Variants in TAS2R1 observed in about 807,000 individuals in gnomAD.
TAS2R1 encodes the protein taste receptor type 2 member 1.
For synonymous variants in TAS2R1, 141 were observed against 134.2 expected, an observed-to-expected ratio of 1.05 and a Z score of -0.35; for missense variants, 370 against 353.4, an observed-to-expected ratio of 1.05 and a Z score of -0.38.
chr5:9,670,675 G>A (rs1409981767), intron 1 of TAS2R1, among the ~76,000 whole-genome samples: 1 of 152,118 alleles, frequency 6.6e-6, no homozygotes, highest in East Asian at 1.9e-4. Context: ...AAAAAGCTTA[G>A]AACCAGATGG....
At chr5:9,833,364 T>G in the TAS2R1 span, among the ~76,000 whole-genome samples, 1 of 152,252 alleles carries the variant, frequency 6.6e-6, no homozygotes, top group African/African-American at 2.4e-5. Flanking sequence ...TTAGTGATTT[T>G]GGGGTCCCAA....
chr5:9,721,021 A>G, the TAS2R1 span, among the ~76,000 whole-genome samples: 27 of 149,858 alleles, frequency 1.8e-4, no homozygotes, highest in Non-Finnish European at 3.2e-4. Context: ...GCTGCAGGGC[A>G]GTAGCTAAGA....
chr5:9,877,818 TTC>T, the TAS2R1 span, among the ~76,000 whole-genome samples: 2 of 152,250 alleles, frequency 1.3e-5, no homozygotes, highest in South Asian at 4.1e-4. Flanking sequence ...GTAAAAGTTG[TTC>T]TTTCTTCTTC....
the TAS2R1 span, among the ~76,000 whole-genome samples, chr5:9,822,410 C>T: frequency 2.8e-5 from 4 of 144,840 alleles, no homozygotes; most frequent in Non-Finnish European, 6.0e-5. Context: ...AGTGCAGTGG[C>T]ACAGTCTTGG....
chr5:9,835,625 G>T, the TAS2R1 span, among the ~76,000 whole-genome samples: 1 of 152,324 alleles, frequency 6.6e-6, no homozygotes, highest in African/African-American at 2.4e-5. Context: ...CAACCAGGGA[G>T]CCCGCATGAA....
chr5:9,838,821 G>A, the TAS2R1 span, among the ~76,000 whole-genome samples: 2 of 152,198 alleles, frequency 1.3e-5, no homozygotes, highest in South Asian at 4.1e-4. Flanking sequence ...TTCAACGCTG[G>A]AAATGATTCA....
chr5:9,726,139 CTG>C, the TAS2R1 span, among the ~76,000 whole-genome samples: 2 of 151,918 alleles, frequency 1.3e-5, no homozygotes, highest in African/African-American at 4.8e-5. Context: ...AATTGGCACT[CTG>C]TGTCTACCTC....
chr5:9,672,786 A>G (rs1301640223), intron 1 of TAS2R1, among the ~76,000 whole-genome samples: 1 of 152,180 alleles, frequency 6.6e-6, no homozygotes, highest in Non-Finnish European at 1.5e-5. Context: ...TGGCAATCCC[A>G]TTATTGGGTA....
At chr5:9,894,032 G>C in the TAS2R1 span, among the ~76,000 whole-genome samples, 1 of 152,180 alleles carries the variant, frequency 6.6e-6, no homozygotes, top group South Asian at 2.1e-4. Context: ...TTGGACATGA[G>C]GTCTTTAAAG....
the TAS2R1 span, among the ~76,000 whole-genome samples, chr5:9,861,959 C>G: frequency 1.1e-4 from 17 of 152,298 alleles, no homozygotes; most frequent in African/African-American, 4.1e-4. Context: ...AATGATGATG[C>G]GATGGGTGAT....
chr5:9,861,037 G>GTTTTTTTTTTTTTTTTT, the TAS2R1 span, among the ~76,000 whole-genome samples: 232 of 88,496 alleles, frequency 2.6e-3, 4 homozygotes, highest in Non-Finnish European at 3.8e-3. Context: ...GGAAGATGAG[G>GTTTTTTTTTTTTTTTTT]TTTTTTTTTT....
At chr5:9,793,062 T>C in the TAS2R1 span, among the ~76,000 whole-genome samples, 3 of 152,220 alleles carry the variant, frequency 2.0e-5, no homozygotes, top group South Asian at 2.1e-4. Flanking sequence ...AGTCCACCTA[T>C]ACATAGAGCA....
chr5:9,763,091 A>G, the TAS2R1 span, among the ~76,000 whole-genome samples: 3 of 152,254 alleles, frequency 2.0e-5, no homozygotes, highest in African/African-American at 7.2e-5. Context: ...TTTTCCTAAA[A>G]TAACATCTAT....
intron 1 of TAS2R1, among the ~76,000 whole-genome samples, chr5:9,697,311 G>T (rs1421982504): frequency 6.6e-6 from 1 of 152,006 alleles, no homozygotes; most frequent in East Asian, 1.9e-4. Flanking sequence ...TGATATCTAG[G>T]CTTTAGAGGT....
At chr5:9,752,137 TAA>T in the TAS2R1 span, among the ~76,000 whole-genome samples, 1 of 152,204 alleles carries the variant, frequency 6.6e-6, no homozygotes, top group Admixed American at 6.5e-5. Flanking sequence ...ATCTTTAAAA[TAA>T]AGTTTTGTGT....
chr5:9,892,760 T>A, the TAS2R1 span, among the ~76,000 whole-genome samples: 1 of 152,188 alleles, frequency 6.6e-6, no homozygotes, highest in African/African-American at 2.4e-5. Flanking sequence ...CCTGAATGAA[T>A]GGGCTGATAG....
chr5:9,692,413 C>T (rs867199273), intron 1 of TAS2R1, among the ~76,000 whole-genome samples: 4 of 152,178 alleles, frequency 2.6e-5, no homozygotes, highest in African/African-American at 4.8e-5. Context: ...GGTACACAGA[C>T]GCTCCCCCAA....
chr5:9,751,640 C>T, the TAS2R1 span, among the ~76,000 whole-genome samples: 3 of 152,154 alleles, frequency 2.0e-5, no homozygotes, highest in African/African-American at 4.8e-5. Context: ...CTCTCAGTGA[C>T]TCTATATAAA....
At chr5:9,832,825 T>C in the TAS2R1 span, among the ~76,000 whole-genome samples, 1 of 152,168 alleles carries the variant, frequency 6.6e-6, no homozygotes, top group Non-Finnish European at 1.5e-5. Flanking sequence ...TCTCAATCAA[T>C]TTAGGAAGTT....
Sources: gnomAD v4.1 joint callset for allele counts (sites outside exome capture counted in the v4.1 genomes callset) on GRCh38, gnomAD v4.1.1 for gene constraint, MANE v1.5 for transcripts, NCBI Gene and HGNC (gene_info 2026-07-23, HGNC 2026-07-21) for gene names.